The following PTPRD variants were observed in gnomAD, a reference collection of about 807,000 sequenced individuals.
PTPRD encodes protein tyrosine phosphatase receptor type D.
Under a neutral mutation model 214.5 loss-of-function variants are expected in PTPRD, and 34 were observed. The ratio of observed to expected loss-of-function variants is 0.16; its 90% CI spans 0.12 to 0.21. The LOEUF is 0.21. PTPRD is among the 10% of genes least tolerant of loss of function. PTPRD has a pLI of 1.00. For missense variants in PTPRD, 2,545 were observed against 2,398.7 expected (o/e 1.06, Z -1.27); for synonymous variants, 1,128 against 845.7 (o/e 1.33, Z -5.79).
rs568722447 is a variant in PTPRD at position 8,992,751 on chromosome 9, A to G, written c.-104+25946T>C. On this transcript the variant is annotated intron_variant, in intron 11 of 45. Coordinates refer to ENST00000381196, the MANE Select transcript of PTPRD (RefSeq NM_002839.4). ...CCAGTCCTTTGCTTAAATATTTATCAGAGGATTTTGTTAGCTGGTTCTGAC... is the reference window on the plus strand; with the variant it reads ...CCAGTCCTTTGCTTAAATATTTATCGGAGGATTTTGTTAGCTGGTTCTGAC... Among the ~76,000 whole-genome samples, 34 of 152,272 alleles carry G rather than the reference A, an allele frequency of 2.2e-4. No individual in the cohort carries two copies. The South Asian group carries it at 6.8e-3, about 31-fold the overall frequency.
At chr9:10,066,638 A>G (rs2097891330) in intron 3 of PTPRD, among the ~76,000 whole-genome samples, 1 of 151,868 alleles carries the variant, frequency 6.6e-6, no homozygotes, top group Admixed American at 6.6e-5. Context: ...CATGCACCAC[A>G]GCTTCCTTTA....
At chr9:10,063,701 T>C (rs537642117) in intron 3 of PTPRD, among the ~76,000 whole-genome samples, 1 of 152,108 alleles carries the variant, frequency 6.6e-6, no homozygotes, top group South Asian at 2.1e-4. Flanking sequence ...CCTATAATAT[T>C]CAGATATAGA....
At chr9:8,576,994 C>A (rs1014826783) in intron 14 of PTPRD, among the ~76,000 whole-genome samples, 1 of 152,124 alleles carries the variant, frequency 6.6e-6, no homozygotes, top group Admixed American at 6.5e-5. Context: ...CCCTCCAATC[C>A]ATTCTCCTTC....
At chr9:8,729,161 G>A (rs1598177799) in intron 12 of PTPRD, among the ~76,000 whole-genome samples, 1 of 152,044 alleles carries the variant, frequency 6.6e-6, no homozygotes, top group East Asian at 1.9e-4. Flanking sequence ...TAAAATGTAT[G>A]TAAGAGGCAA....
At chr9:9,910,061 C>T (rs1055722638) in intron 5 of PTPRD, among the ~76,000 whole-genome samples, 2 of 151,930 alleles carry the variant, frequency 1.3e-5, no homozygotes, top group Non-Finnish European at 2.9e-5. Context: ...CAAATGCTGG[C>T]TCAACTGCTT....
intron 11 of PTPRD, among the ~76,000 whole-genome samples, chr9:8,869,401 G>A (rs1017651530): frequency 6.6e-6 from 1 of 152,070 alleles, no homozygotes; most frequent in African/African-American, 2.4e-5. Context: ...CATTTGTATG[G>A]TACTTTATAA....
At chr9:9,712,281 C>A (rs1161305164) in intron 7 of PTPRD, among the ~76,000 whole-genome samples, 2 of 152,006 alleles carry the variant, frequency 1.3e-5, no homozygotes, top group African/African-American at 2.4e-5. Flanking sequence ...CGGTAATAAC[C>A]ATAAGCACAA....
intron 11 of PTPRD, among the ~76,000 whole-genome samples, chr9:8,848,469 G>A (rs1262678681): frequency 6.7e-6 from 1 of 149,868 alleles, no homozygotes; most frequent in African/African-American, 2.5e-5. Flanking sequence ...CCAAGTAGCT[G>A]AGACCACAAG....
Position 8,521,542 on chromosome 9 carries a change from G to A in PTPRD, c.696C>T (p.Arg232=), listed in dbSNP as rs768360111. 2 of 1,612,830 alleles carry A rather than the reference G, an allele frequency of 1.2e-6. No homozygotes were observed. Among genetic ancestry groups the A allele is most frequent in the Admixed American group, 3.3e-5 (2 of 59,940 alleles). Residue 232 remains arginine, a synonymous_variant, in exon 20 of 46, where the codon CGC becomes CGT. Coordinates refer to ENST00000381196, the MANE Select transcript of PTPRD (RefSeq NM_002839.4). ...NLYVRELREV[R]RVPPRFSIPP... ...GGATAGAGAATCTTGGTGGGACACGGCGAACTGGAACAAAACACAAGGGAA... is the reference window on the plus strand; with the variant it reads ...GGATAGAGAATCTTGGTGGGACACGACGAACTGGAACAAAACACAAGGGAA...
At chr9:8,666,346 T>C (rs1280900333) in intron 12 of PTPRD, among the ~76,000 whole-genome samples, 1 of 152,324 alleles carries the variant, frequency 6.6e-6, no homozygotes, top group African/African-American at 2.4e-5. Flanking sequence ...TCAGAAGGAA[T>C]AGTTAGAGAT....
chr9:8,363,103 C>T (rs985283191), intron 39 of PTPRD, among the ~76,000 whole-genome samples: 5 of 152,132 alleles, frequency 3.3e-5, no homozygotes, highest in African/African-American at 4.8e-5. Context: ...GGAGACCATT[C>T]GTGGTCTCTG....
At chr9:10,444,885 TAGAA>T (rs1287290116) in intron 2 of PTPRD, among the ~76,000 whole-genome samples, 8 of 151,978 alleles carry the variant, frequency 5.3e-5, no homozygotes, top group Non-Finnish European at 7.4e-5. Context: ...TGTCAACAAT[TAGAA>T]AGCCACTTTT....
At chr9:10,514,580 G>C (rs1403063356) in intron 2 of PTPRD, among the ~76,000 whole-genome samples, 1 of 151,346 alleles carries the variant, frequency 6.6e-6, no homozygotes, top group Non-Finnish European at 1.5e-5. Context: ...TATTTTTTCT[G>C]TATTATTCAT....
chr9:8,745,282 T>C (rs1021417418), intron 11 of PTPRD, among the ~76,000 whole-genome samples: 1 of 152,244 alleles, frequency 6.6e-6, no homozygotes, highest in Non-Finnish European at 1.5e-5. Flanking sequence ...TTCTATAGCA[T>C]GGTGTATCTA....
chr9:8,456,037 C>G (rs79682509), intron 33 of PTPRD, among the ~76,000 whole-genome samples: 4,447 of 152,122 alleles, frequency 0.029, 87 homozygotes, highest in Non-Finnish European at 0.048. Flanking sequence ...TCTTGCCAGC[C>G]AAAATAAAGT....
intron 4 of PTPRD, among the ~76,000 whole-genome samples, chr9:9,973,285 G>T (rs1387061174): frequency 1.4e-5 from 2 of 147,360 alleles, no homozygotes; most frequent in East Asian, 2.0e-4. Context: ...CAACATAGTG[G>T]TGAGACCTTG....
At chr9:9,229,301 TTTAG>T (rs2099961587) in intron 9 of PTPRD, among the ~76,000 whole-genome samples, 2 of 152,186 alleles carry the variant, frequency 1.3e-5, no homozygotes, top group Admixed American at 6.6e-5. Context: ...AACAAGAGTC[TTTAG>T]TTAAGTAAAA....
chr9:9,138,005 T>G (rs1202706714), intron 10 of PTPRD, among the ~76,000 whole-genome samples: 1 of 152,156 alleles, frequency 6.6e-6, no homozygotes, highest in East Asian at 1.9e-4. Flanking sequence ...ATTTAGTTAC[T>G]TGTTGAAAAT....
intron 9 of PTPRD, among the ~76,000 whole-genome samples, chr9:9,254,171 G>A (rs982313537): frequency 4.6e-5 from 7 of 152,006 alleles, no homozygotes; most frequent in Admixed American, 4.6e-4. Context: ...TAGGCTCCAG[G>A]GATTAGGATG....
Sources: gnomAD v4.1 joint callset for allele counts (sites outside exome capture counted in the v4.1 genomes callset) on GRCh38, gnomAD v4.1.1 for gene constraint, MANE v1.5 for transcripts, NCBI Gene and HGNC (gene_info 2026-07-23, HGNC 2026-07-21) for gene names.